The following DENND6A variants were observed in gnomAD, a reference collection of about 807,000 sequenced individuals.
DENND6A encodes the protein DENN domain containing 6A.
DENND6A carries 43 observed loss-of-function variants against 95.5 expected under a neutral mutation model. That is an observed-to-expected ratio of 0.45 (90% CI 0.35 to 0.58). The LOEUF (loss-of-function observed/expected upper bound fraction) is 0.58, where lower values mean the gene tolerates loss of function less well. Ranked by LOEUF, DENND6A falls within the 20% of genes least tolerant of loss-of-function variation. The probability of loss-of-function intolerance (pLI) is 0.00; values close to 1 mark genes in which losing one functional copy is unlikely to be tolerated. For synonymous variants in DENND6A, 257 were observed against 260.4 expected, an observed-to-expected ratio of 0.99 and a Z score of 0.13; for missense variants, 574 against 736.0, an observed-to-expected ratio of 0.78 and a Z score of 2.55.
chr3:57,660,902 G>T, intron 6 of DENND6A, 63 bp from the exon 7 acceptor site: 2 of 1,404,372 alleles, frequency 1.4e-6, no homozygotes, highest in African/African-American at 1.5e-5. Context: ...TAAAAATGAG[G>T]CATTAGAAAT....
intron 1 of DENND6A, among the ~76,000 whole-genome samples, chr3:57,686,222 T>C (rs1325616265): frequency 6.6e-6 from 1 of 152,228 alleles, no homozygotes; most frequent in African/African-American, 2.4e-5. Context: ...CATAATCCTT[T>C]ATTTCAAAGT....
Position 57,676,926 on chromosome 3 carries a change from C to T in DENND6A, c.238-4488G>A, listed in dbSNP as rs895239614. Among the ~76,000 whole-genome samples the T allele has an allele frequency of 7.2e-5, 11 of 152,186 alleles. 1 individual carries two copies. The South Asian group carries it at 2.3e-3, about 32-fold the overall frequency. ...GCAACCTCCACCTCCCAGGTTCAAG[C>T]GATTCTTGTGCCTCAGCCACCCAAG... On this transcript the variant is annotated intron_variant, in intron 1 of 19. Coordinates refer to ENST00000311128, the MANE Select transcript of DENND6A (RefSeq NM_152678.3).
intron 1 of DENND6A, among the ~76,000 whole-genome samples, chr3:57,691,433 T>C (rs1575878204): frequency 6.6e-6 from 1 of 152,162 alleles, no homozygotes; most frequent in Admixed American, 6.6e-5. Context: ...CTCTAAATTA[T>C]TGCCTCAATC....
chr3:57,633,377 A>C, intron 14 of DENND6A, 23 bp from the exon 15 acceptor site: 3 of 1,567,634 alleles, frequency 1.9e-6, no homozygotes, highest in Non-Finnish European at 2.6e-6. Flanking sequence ...AATAATGAGA[A>C]TCTGTATTCT....
chr3:57,653,744 TAAAA>T (rs553856616), intron 9 of DENND6A, among the ~76,000 whole-genome samples: 1 of 84,712 alleles, frequency 1.2e-5, no homozygotes, highest in Admixed American at 1.4e-4. Flanking sequence ...AGACTCCATC[TAAAA>T]AAAAAAAAAA....
chr3:57,646,769 C>T (rs2071089032), intron 9 of DENND6A, among the ~76,000 whole-genome samples: 1 of 152,134 alleles, frequency 6.6e-6, no homozygotes, highest in African/African-American at 2.4e-5. Context: ...TGCTTTGATA[C>T]TTTGAATTTC....
chr3:57,672,104 G>A (rs1164200859), intron 3 of DENND6A, 152 bp downstream of exon 3: 2 of 725,664 alleles, frequency 2.8e-6, no homozygotes, highest in Non-Finnish European at 2.2e-6. Context: ...TAAAATCAAC[G>A]ATGACATGAC....
At chr3:57,647,513 G>A (rs980743068) in intron 9 of DENND6A, among the ~76,000 whole-genome samples, 4 of 152,156 alleles carry the variant, frequency 2.6e-5, no homozygotes, top group Non-Finnish European at 4.4e-5. Context: ...CAAATGTGGT[G>A]AGCAATGTAT....
intron 1 of DENND6A, among the ~76,000 whole-genome samples, chr3:57,680,463 C>A (rs576539352): frequency 6.6e-6 from 1 of 152,180 alleles, no homozygotes; most frequent in South Asian, 2.1e-4. Context: ...CTCCACCATG[C>A]AAAGACACTG....
At chr3:57,629,089 T>C (rs959191924) in intron 18 of DENND6A, among the ~76,000 whole-genome samples, 6 of 152,238 alleles carry the variant, frequency 3.9e-5, no homozygotes, top group Admixed American at 2.0e-4. Context: ...GCCAGAATAA[T>C]TGTCTCATAT....
intron 1 of DENND6A, among the ~76,000 whole-genome samples, chr3:57,675,415 A>G (rs886228608): frequency 4.6e-5 from 7 of 152,220 alleles, no homozygotes; most frequent in Admixed American, 3.9e-4. Flanking sequence ...ATATTTTTCA[A>G]CTGACTCCAA....
At chr3:57,664,610 G>A (rs578061802) in intron 4 of DENND6A, among the ~76,000 whole-genome samples, 24 of 152,212 alleles carry the variant, frequency 1.6e-4, no homozygotes, top group Admixed American at 5.9e-4. Flanking sequence ...CAAGGTGGGC[G>A]GATCATGAGG....
chr3:57,657,623 TAAC>T (rs1471876952), intron 9 of DENND6A, 54 bp downstream of exon 9: 5 of 1,150,360 alleles, frequency 4.3e-6, no homozygotes, highest in Non-Finnish European at 6.2e-6. Context: ...TTAAATAAAT[TAAC>T]ACCACCACCA....
At chr3:57,674,369 T>A (rs1240001894) in intron 1 of DENND6A, among the ~76,000 whole-genome samples, 2 of 116,908 alleles carry the variant, frequency 1.7e-5, no homozygotes. Context: ...CAAGACCCCG[T>A]CTCAAAAAAA....
intron 12 of DENND6A, among the ~76,000 whole-genome samples, chr3:57,636,014 CT>C (rs1178277217): frequency 1.6e-4 from 25 of 152,122 alleles, no homozygotes; most frequent in Admixed American, 1.6e-3. Flanking sequence ...TTTATTTCCC[CT>C]AGCTTACTTT....
At chr3:57,672,100 C>A (rs1272941452) in intron 3 of DENND6A, among the ~76,000 whole-genome samples, 156 bp downstream of exon 3, 7 of 152,108 alleles carry the variant, frequency 4.6e-5, no homozygotes, top group African/African-American at 1.7e-4. Flanking sequence ...CTACTAAAAT[C>A]AACGATGACA....
At chr3:57,674,165 G>T (rs1028963463) in intron 1 of DENND6A, among the ~76,000 whole-genome samples, 1 of 151,906 alleles carries the variant, frequency 6.6e-6, no homozygotes, top group Non-Finnish European at 1.5e-5. Context: ...GGAGGATCAC[G>T]AGGGCAGGAG....
chr3:57,631,809 G>A (rs1326784199), intron 15 of DENND6A, among the ~76,000 whole-genome samples: 2 of 133,678 alleles, frequency 1.5e-5, no homozygotes, highest in Admixed American at 8.7e-5. Flanking sequence ...TGCAAGCTCT[G>A]CCTCTTGGGT....
intron 1 of DENND6A, among the ~76,000 whole-genome samples, chr3:57,672,669 C>T (rs1402343173): frequency 6.6e-6 from 1 of 151,804 alleles, no homozygotes; most frequent in Non-Finnish European, 1.5e-5. Flanking sequence ...TGTAGTCCCA[C>T]CTACTCGGGA....
Sources: gnomAD v4.1 joint callset for allele counts (sites outside exome capture counted in the v4.1 genomes callset) on GRCh38, gnomAD v4.1.1 for gene constraint, MANE v1.5 for transcripts, NCBI Gene and HGNC (gene_info 2026-07-23, HGNC 2026-07-21) for gene names.